The following ARL6 variants were observed in gnomAD, a reference collection of about 807,000 sequenced individuals.
ARL6 encodes the protein ADP-ribosylation factor-like protein 6.
Under a neutral mutation model 27.1 loss-of-function variants are expected in ARL6, and 18 were observed. The ratio of observed to expected loss-of-function variants is 0.66; its 90% CI spans 0.46 to 0.98. ARL6 has a LOEUF of 0.98. ARL6 is among the 50% of genes least tolerant of loss of function. The pLI is 0.00. For synonymous variants in ARL6, 65 were observed against 72.3 expected (o/e 0.90, Z 0.51); for missense variants, 187 against 214.9 (o/e 0.87, Z 0.81).
chr3:97,775,162 C>T (rs1044517999), intron 2 of ARL6, among the ~76,000 whole-genome samples: 1 of 152,144 alleles, frequency 6.6e-6, no homozygotes, highest in African/African-American at 2.4e-5. Context: ...AGAACTCCAT[C>T]CTTAATATTC....
At chr3:97,780,945 A>G (rs937286840) in intron 4 of ARL6, among the ~76,000 whole-genome samples, 1 of 152,142 alleles carries the variant, frequency 6.6e-6, no homozygotes, top group East Asian at 1.9e-4. Context: ...GTTTAAGGTT[A>G]ACATATTCCT....
At chr3:97,794,025 A>G (rs1235971656) in intron 7 of ARL6, among the ~76,000 whole-genome samples, 1 of 152,168 alleles carries the variant, frequency 6.6e-6, no homozygotes, top group East Asian at 1.9e-4. Context: ...AGATACTGTT[A>G]AAGTACCTAG....
At chr3:97,764,666 C>G (rs1315145887), upstream of ARL6, 1 of 152,300 alleles carries the variant, frequency 6.6e-6, no homozygotes, top group Non-Finnish European at 1.5e-5. Context: ...ATCCCAGAAG[C>G]TATAGCACAA....
chr3:97,777,286 T>A (rs1343508387), intron 2 of ARL6, among the ~76,000 whole-genome samples: 2 of 152,170 alleles, frequency 1.3e-5, no homozygotes, highest in African/African-American at 4.8e-5. Context: ...ATCCTTGAAC[T>A]GTCTCAGAAT....
At chr3:97,769,057 T>C (rs967775113) in intron 2 of ARL6, among the ~76,000 whole-genome samples, 1 of 152,086 alleles carries the variant, frequency 6.6e-6, no homozygotes, top group Non-Finnish European at 1.5e-5. Flanking sequence ...ATAAAATAAG[T>C]ACAGAAATGT....
chr3:97,765,815 G>C (rs891950582), intron 1 of ARL6, among the ~76,000 whole-genome samples: 5 of 152,168 alleles, frequency 3.3e-5, no homozygotes, highest in Admixed American at 2.6e-4. Context: ...TGTGTCTCTC[G>C]CTGCACACTT....
chr3:97,767,344 CAG>C (rs781208726), intron 1 of ARL6, among the ~76,000 whole-genome samples: 18 of 151,992 alleles, frequency 1.2e-4, no homozygotes, highest in Non-Finnish European at 1.9e-4. Flanking sequence ...AGTTAAAAAA[CAG>C]ATATTTAGTA....
intron 4 of ARL6, among the ~76,000 whole-genome samples, chr3:97,782,719 T>C (rs1475554292): frequency 1.3e-5 from 2 of 151,572 alleles, no homozygotes; most frequent in Non-Finnish European, 3.0e-5. Flanking sequence ...GGCAAAAAAA[T>C]ATACATAGAA....
intron 5 of ARL6, among the ~76,000 whole-genome samples, chr3:97,785,691 G>T (rs2037425152): frequency 6.6e-6 from 1 of 151,864 alleles, no homozygotes; most frequent in Non-Finnish European, 1.5e-5. Flanking sequence ...GCCTAATATG[G>T]TTTACTATGA....
chr3:97,790,042 GCAT>G (rs1337706797), intron 6 of ARL6, among the ~76,000 whole-genome samples: 2 of 137,012 alleles, frequency 1.5e-5, no homozygotes, highest in Non-Finnish European at 3.1e-5. Context: ...TCAATCCCTG[GCAT>G]CATGATTGTG....
intron 2 of ARL6, among the ~76,000 whole-genome samples, chr3:97,772,210 T>G (rs1044048655): frequency 6.6e-6 from 1 of 152,200 alleles, no homozygotes; most frequent in Admixed American, 6.5e-5. Flanking sequence ...TTACTCATTA[T>G]TGGCCTGTTC....
intron 7 of ARL6, among the ~76,000 whole-genome samples, chr3:97,794,419 G>A (rs1331495043): frequency 6.6e-6 from 1 of 151,892 alleles, no homozygotes; most frequent in African/African-American, 2.4e-5. Context: ...TCACCATGTT[G>A]GGAAGGCTGG....
Position 97,798,140 on chromosome 3 carries a change from C to A in ARL6, c.*91C>A. ...CATTTTGTAAAAGATGTTTATGCATCAAAAAATATAATTTTCTGCTTGCAT... is the reference window on the plus strand; with the variant it reads ...CATTTTGTAAAAGATGTTTATGCATAAAAAAATATAATTTTCTGCTTGCAT... On this transcript the variant is annotated 3_prime_UTR_variant, in exon 8 of 8. Transcript: ENST00000463745. The A allele has an allele frequency of 1.5e-6, 2 of 1,305,772 alleles. No individual in the cohort carries two copies. The highest frequency in any genetic ancestry group is 1.2e-5 in the South Asian group (1 of 81,472). The allele number at this position is 1,305,772 out of a possible 1,614,324, so 80.9% of individuals were successfully genotyped here.
Position 97,799,534 on chromosome 3 carries a change from A to T in ARL6, c.*1485A>T, listed in dbSNP as rs1483887498. On this transcript the variant is annotated 3_prime_UTR_variant, in exon 8 of 8. Transcript: ENST00000463745. ...ATGGAAACAATGAATGTAATTTTTT[A>T]AAAAACTGATATGCTACAACTATTT... is the stretch of plus-strand genomic sequence containing the variant. 1.3e-5 allele frequency: 2 copies of T among 152,102 alleles called. No homozygotes were observed. The highest frequency in any genetic ancestry group is 2.4e-5 in the African/African-American group (1 of 41,456). The allele number at this position is 152,102 out of a possible 1,614,324, so 9.4% of individuals were successfully genotyped here. A position where few individuals can be genotyped will look rare whatever the true frequency, so the allele number is the denominator to read the frequency against.
intron 5 of ARL6, among the ~76,000 whole-genome samples, chr3:97,786,715 G>A (rs1420043714): frequency 6.6e-6 from 1 of 152,164 alleles, no homozygotes; most frequent in Non-Finnish European, 1.5e-5. Flanking sequence ...TCATATCATA[G>A]CTACAGGGAT....
intron 4 of ARL6, 103 bp downstream of exon 4, chr3:97,780,786 CA>C (rs563389172): frequency 2.4e-6 from 2 of 838,976 alleles, no homozygotes. Flanking sequence ...TTTTTTTTTT[CA>C]TGTAATTTAT....
At chr3:97,787,123 T>C (rs2037495908) in intron 5 of ARL6, among the ~76,000 whole-genome samples, 1 of 152,180 alleles carries the variant, frequency 6.6e-6, no homozygotes, top group South Asian at 2.1e-4. Context: ...ATTACAGGAT[T>C]GTTCATAGTT....
intron 1 of ARL6, among the ~76,000 whole-genome samples, chr3:97,766,915 CCTT>C (rs2036406620): frequency 6.6e-6 from 1 of 152,108 alleles, no homozygotes; most frequent in Non-Finnish European, 1.5e-5. Flanking sequence ...ATCTCCCTGT[CCTT>C]CTACCACAAA....
intron 7 of ARL6, 127 bp from the exon 8 acceptor site, chr3:97,797,897 A>T: frequency 1.1e-6 from 1 of 903,730 alleles, no homozygotes; most frequent in Non-Finnish European, 1.8e-6. Flanking sequence ...TCTCTAAAAA[A>T]TAATAATAAC....
Sources: allele counts gnomAD v4.1 joint callset (sites outside exome capture counted in the v4.1 genomes callset), GRCh38; gene constraint gnomAD v4.1.1; transcripts MANE v1.5; gene names NCBI Gene and HGNC (gene_info 2026-07-23, HGNC 2026-07-21).